The following TRPC7 variants were observed in gnomAD, a reference collection of about 807,000 sequenced individuals.
TRPC7 encodes the protein transient receptor potential cation channel subfamily C member 7.
A neutral mutation model predicts 90.1 loss-of-function variants in TRPC7; 42 were observed. The ratio of observed to expected loss-of-function variants is 0.47; its 90% CI spans 0.36 to 0.60. The LOEUF (loss-of-function observed/expected upper bound fraction) is 0.60, where lower values mean the gene tolerates loss of function less well. Ranked by LOEUF, TRPC7 falls within the 20% of genes least tolerant of loss-of-function variation. The pLI is 0.00. For missense variants in TRPC7, 955 were observed against 1,112.3 expected (o/e 0.86, Z 2.01); for synonymous variants, 451 against 436.3 (o/e 1.03, Z -0.42).
intron 3 of TRPC7, among the ~76,000 whole-genome samples, chr5:136,282,926 T>A (rs928982247): frequency 1.3e-5 from 2 of 152,332 alleles, no homozygotes; most frequent in South Asian, 4.2e-4. Flanking sequence ...TGATAATTCC[T>A]TAATCTTGAT....
chr5:136,301,147 C>T (rs982502666), intron 3 of TRPC7, among the ~76,000 whole-genome samples: 1 of 152,038 alleles, frequency 6.6e-6, no homozygotes, highest in Non-Finnish European at 1.5e-5. Flanking sequence ...CTGCCTCAGC[C>T]TCCCGAGTAG....
intron 10 of TRPC7, among the ~76,000 whole-genome samples, chr5:136,224,903 C>A (rs541879304): frequency 6.6e-6 from 1 of 152,194 alleles, no homozygotes; most frequent in Non-Finnish European, 1.5e-5. Flanking sequence ...TGACTGTTCT[C>A]TCCTTGAAGA....
intron 3 of TRPC7, among the ~76,000 whole-genome samples, chr5:136,297,332 C>T (rs1341161590): frequency 6.6e-6 from 1 of 152,158 alleles, no homozygotes; most frequent in African/African-American, 2.4e-5. Flanking sequence ...GGATGATCCC[C>T]TCCTTCTTCA....
chr5:136,341,368 G>T (rs556643867), intron 2 of TRPC7, among the ~76,000 whole-genome samples: 85 of 152,052 alleles, frequency 5.6e-4, no homozygotes, highest in African/African-American at 2.0e-3. Flanking sequence ...TTAAAAAAAA[G>T]CCAGTTGGGA....
intron 3 of TRPC7, among the ~76,000 whole-genome samples, chr5:136,297,060 T>G (rs113290839): frequency 1.3e-5 from 2 of 152,350 alleles, no homozygotes; most frequent in African/African-American, 4.8e-5. Context: ...CCCCCACTGC[T>G]TCCTCTTTCT....
chr5:136,223,276 C>T (rs1053565068), intron 10 of TRPC7, among the ~76,000 whole-genome samples: 2 of 152,164 alleles, frequency 1.3e-5, no homozygotes, highest in East Asian at 1.9e-4. Flanking sequence ...ACTCAACCAG[C>T]GAGGACGGAA....
rs1325632132 is a variant in TRPC7, at chr5:136,247,335, C to A, written c.1844+136G>T. 8 of 951,016 alleles carry A rather than the reference C, an allele frequency of 8.4e-6. No homozygotes were observed. The African/African-American group carries it at 1.3e-4, about 16-fold the overall frequency. The allele number at this position is 951,016 out of a possible 1,614,324, so 58.9% of individuals were successfully genotyped here. A position where few individuals can be genotyped will look rare whatever the true frequency, so the allele number is the denominator to read the frequency against. On this transcript the variant is annotated intron_variant, in intron 7 of 11. Coordinates refer to ENST00000513104, the MANE Select transcript of TRPC7 (RefSeq NM_020389.3). The surrounding 1 kb of genome is among the most constrained non-coding windows in gnomAD (Gnocchi z 4.2). ...CTCCAGAACCTGAACTCTAAACCACCCTTGAATAAAGTTGCCTTTAACCTT... is the reference window on the plus strand; with the variant it reads ...CTCCAGAACCTGAACTCTAAACCACACTTGAATAAAGTTGCCTTTAACCTT...
chr5:136,252,029 G>A (rs1246809785), intron 5 of TRPC7, 147 bp from the exon 6 acceptor site: 1 of 652,912 alleles, frequency 1.5e-6, no homozygotes, highest in Admixed American at 2.7e-5. Flanking sequence ...ACAGAAACGT[G>A]TTTTCAAAGG....
At chr5:136,281,999 C>T (rs754741784) in intron 3 of TRPC7, among the ~76,000 whole-genome samples, 1 of 152,188 alleles carries the variant, frequency 6.6e-6, no homozygotes, top group Non-Finnish European at 1.5e-5. Context: ...TCATTAAAAG[C>T]AGTTTTTCTT....
At chr5:136,304,299 G>T (rs367691468) in intron 3 of TRPC7, among the ~76,000 whole-genome samples, 124 of 152,060 alleles carry the variant, frequency 8.2e-4, no homozygotes, top group African/African-American at 2.9e-3. Context: ...TCAATGCCAA[G>T]ATCCCATCCC....
At chr5:136,320,728 C>T (rs1409398941) in intron 2 of TRPC7, among the ~76,000 whole-genome samples, 2 of 152,192 alleles carry the variant, frequency 1.3e-5, no homozygotes, top group Non-Finnish European at 2.9e-5. Context: ...ATTCTTCAAA[C>T]ACACTTAGTG....
intron 1 of TRPC7, among the ~76,000 whole-genome samples, chr5:136,362,543 G>C (rs1267177147): frequency 6.6e-6 from 1 of 152,098 alleles, no homozygotes; most frequent in Non-Finnish European, 1.5e-5. Context: ...ATCATTTTAA[G>C]TTCTCACAAA....
At chr5:136,329,296 ATAT>A (rs1178235544) in intron 2 of TRPC7, among the ~76,000 whole-genome samples, 1 of 152,196 alleles carries the variant, frequency 6.6e-6, no homozygotes. Context: ...TTCAGCAGAC[ATAT>A]TTGGGCACCC....
intron 2 of TRPC7, among the ~76,000 whole-genome samples, chr5:136,342,077 C>G (rs1211491947): frequency 2.6e-5 from 4 of 152,188 alleles, no homozygotes; most frequent in Admixed American, 1.3e-4. Context: ...TTGGCTTTCT[C>G]CATCCGCTAC....
intron 2 of TRPC7, among the ~76,000 whole-genome samples, chr5:136,354,778 G>A (rs1041919408): frequency 1.3e-5 from 2 of 152,158 alleles, no homozygotes; most frequent in African/African-American, 2.4e-5. Flanking sequence ...CTTTCCTCCT[G>A]AATGGCCTAC....
chr5:136,353,487 C>A lies in TRPC7; in HGVS notation c.780+3121G>T, dbSNP rs539631317. Among the ~76,000 whole-genome samples, 3 of 152,222 alleles carry A rather than the reference C, an allele frequency of 2.0e-5. No individual in the cohort carries two copies. The East Asian group carries it at 5.8e-4, about 29-fold the overall frequency. ...TGACTACAAGCAGCAACGTGTGGTC[C>A]CTTGAAAGCAGAACAGATTCAGAAA... On this transcript the variant is annotated intron_variant, in intron 2 of 11. Transcript: ENST00000513104.
At chr5:136,241,659 G>C (rs867415633) in intron 7 of TRPC7, among the ~76,000 whole-genome samples, 1 of 152,058 alleles carries the variant, frequency 6.6e-6, no homozygotes, top group Middle Eastern at 3.4e-3. Flanking sequence ...AGGTTCAAGT[G>C]ATTCTCCTGC....
chr5:136,273,813 A>T (rs1379718361), intron 4 of TRPC7, among the ~76,000 whole-genome samples: 1 of 152,184 alleles, frequency 6.6e-6, no homozygotes, highest in East Asian at 1.9e-4. Context: ...TGACAATCTT[A>T]AACCCATGAA....
At chr5:136,310,866 G>A (rs972222883) in intron 3 of TRPC7, among the ~76,000 whole-genome samples, 5 of 152,170 alleles carry the variant, frequency 3.3e-5, no homozygotes, top group East Asian at 1.9e-4. Context: ...TTGGAAGGCC[G>A]AGCTCAGTGT....
Sources: allele counts gnomAD v4.1 joint callset (sites outside exome capture counted in the v4.1 genomes callset), GRCh38; gene constraint gnomAD v4.1.1; non-coding constraint Gnocchi (gnomAD v3.1); transcripts MANE v1.5; gene names NCBI Gene and HGNC (gene_info 2026-07-23, HGNC 2026-07-21).